Variants in ZNHIT3 observed in about 807,000 individuals in gnomAD.
ZNHIT3 encodes zinc finger HIT-type containing 3.
In ZNHIT3, 27 loss-of-function variants were observed where a neutral mutation model predicts 19.9. The ratio of observed to expected loss-of-function variants is 1.36; its 90% CI spans 1.00 to 1.87. ZNHIT3 has a LOEUF of 1.87. ZNHIT3 is among the 40% of genes most tolerant of loss of function. The pLI is 0.00. For synonymous variants in ZNHIT3, 81 were observed against 65.7 expected (o/e 1.23, Z -1.13); for missense variants, 215 against 185.6 (o/e 1.16, Z -0.92).
downstream of ZNHIT3, chr17:36,496,435 G>A (rs774811411): frequency 3.7e-6 from 6 of 1,611,674 alleles, no homozygotes; most frequent in Non-Finnish European, 5.1e-6. Flanking sequence ...TGCAGCTTTA[G>A]CACTAGTTCC....
Position 36,486,780 on chromosome 17 carries a change from G to A in ZNHIT3, c.81G>A (p.Val27=). Residue 27 remains valine, a synonymous_variant, in exon 1 of 5, where the codon GTG becomes GTA. Transcript: ENST00000617429. ...KPKYRCPACR[V]PYCSVVCFRK... is the part of the protein sequence containing the mutation. ...AATACCGCTGTCCAGCCTGCCGCGT[G>A]CCCTAGTGAGCGGGGAGGTCGCGGG... is the stretch of plus-strand genomic sequence containing the variant. 1 of 1,611,940 alleles carries A rather than the reference G, an allele frequency of 6.2e-7. No individual in the cohort carries two copies. The highest frequency in any genetic ancestry group is 8.5e-7 in the Non-Finnish European group (1 of 1,179,098).
downstream of ZNHIT3, among the ~76,000 whole-genome samples, chr17:36,497,333 A>AG (rs1179991086): frequency 1.3e-5 from 2 of 151,698 alleles, no homozygotes; most frequent in African/African-American, 2.4e-5. Context: ...AAAAAAAAAA[A>AG]ACCCACAGAG....
intron 4 of ZNHIT3, among the ~76,000 whole-genome samples, chr17:36,494,911 C>T (rs930388548): frequency 5.3e-5 from 8 of 152,152 alleles, no homozygotes; most frequent in African/African-American, 1.9e-4. Flanking sequence ...TGAAGTGGCA[C>T]GAAGTTACAA....
intron 4 of ZNHIT3, 87 bp from the exon 5 acceptor site, chr17:36,495,136 T>C (rs949111711): frequency 1.4e-5 from 21 of 1,469,730 alleles, no homozygotes; most frequent in Non-Finnish European, 1.8e-5. Context: ...ATAGTTTTAT[T>C]ACACTTGAAA....
rs1325795546 is a variant in ZNHIT3, at chr17:36,495,539, G to A, written c.*135G>A. The A allele has an allele frequency of 1.5e-6, 2 of 1,345,268 alleles. No homozygotes were observed. Among genetic ancestry groups the A allele is most frequent in the African/African-American group, 3.0e-5 (2 of 67,118 alleles). The allele number at this position is 1,345,268 out of a possible 1,614,324, so 83.3% of individuals were successfully genotyped here. A position where few individuals can be genotyped will look rare whatever the true frequency, so the allele number is the denominator to read the frequency against. ...TCCAGGATGCAGATTAGGTCATGCA[G>A]GCCTTTACCGGCATTGATGTGGCTC... On this transcript the variant is annotated 3_prime_UTR_variant, in exon 5 of 5. Transcript: ENST00000617429.
intron 4 of ZNHIT3, 110 bp downstream of exon 4, chr17:36,494,116 C>A (rs1159058094): frequency 6.6e-6 from 5 of 761,556 alleles, no homozygotes; most frequent in African/African-American, 1.7e-5. Context: ...ATGTAGGGCT[C>A]TTACTATCTA....
chr17:36,493,789 TG>T (rs1269063142), intron 3 of ZNHIT3, 136 bp from the exon 4 acceptor site: 3 of 640,490 alleles, frequency 4.7e-6, no homozygotes, highest in Non-Finnish European at 8.4e-6. Context: ...AGAGGATTTT[TG>T]TCTGTACCTG....
downstream of ZNHIT3, chr17:36,498,254 C>G (rs553814007): frequency 3.1e-6 from 5 of 1,602,578 alleles, no homozygotes; most frequent in South Asian, 5.5e-5. Flanking sequence ...ATGGCCATCA[C>G]ACACAACGTA....
chr17:36,496,490 A>T, downstream of ZNHIT3: 2 of 1,359,594 alleles, frequency 1.5e-6, no homozygotes, highest in Non-Finnish European at 2.1e-6. Flanking sequence ...GACGCTAAAA[A>T]TGCAAGAAGG....
downstream of ZNHIT3, among the ~76,000 whole-genome samples, chr17:36,497,165 A>G (rs1314475974): frequency 1.0e-4 from 14 of 135,448 alleles, no homozygotes; most frequent in South Asian, 2.6e-3. Context: ...CCCCGTCTCT[A>G]TTAAAAATAC....
downstream of ZNHIT3, chr17:36,496,510 G>A: frequency 9.4e-7 from 1 of 1,068,938 alleles, no homozygotes; most frequent in South Asian, 1.5e-5. Flanking sequence ...GTATGGACAA[G>A]TACTAGTATT....
chr17:36,496,302 T>G, downstream of ZNHIT3: 1 of 1,614,014 alleles, frequency 6.2e-7, no homozygotes, highest in Non-Finnish European at 8.5e-7. Context: ...GCCTGTGTCT[T>G]TCCAGCAGAA....
chr17:36,489,432 C>T (rs369728558), intron 2 of ZNHIT3: 1 of 152,174 alleles, frequency 6.6e-6, no homozygotes, highest in East Asian at 1.9e-4. Flanking sequence ...TATAAGAGTT[C>T]CCTTTTCTCC....
chr17:36,498,577 C>A, downstream of ZNHIT3: 1 of 1,593,570 alleles, frequency 6.3e-7, no homozygotes, highest in Non-Finnish European at 8.6e-7. Context: ...AGCAAATATC[C>A]CTTTATAGCT....
intron 4 of ZNHIT3, 47 bp downstream of exon 4, chr17:36,494,053 T>A: frequency 7.0e-7 from 1 of 1,437,290 alleles, no homozygotes; most frequent in Non-Finnish European, 9.7e-7. Flanking sequence ...ATTTACTGTG[T>A]TGTAAGGATT....
At chr17:36,496,287 G>T (rs1455098828), downstream of ZNHIT3, 2 of 1,613,910 alleles carry the variant, frequency 1.2e-6, no homozygotes, top group Non-Finnish European at 1.7e-6. Context: ...AGGTCACGTG[G>T]ATCAGCCTGT....
intron 2 of ZNHIT3, chr17:36,491,188 T>C (rs2070717843): frequency 6.6e-6 from 1 of 152,354 alleles, no homozygotes; most frequent in East Asian, 1.9e-4. Flanking sequence ...TGATATTCTT[T>C]GGAGGCTGGG....
downstream of ZNHIT3, chr17:36,497,589 C>CT (rs746721426): frequency 0.11 from 87,150 of 764,136 alleles, no homozygotes; most frequent in Non-Finnish European, 0.13. Flanking sequence ...CTAAACCAAA[C>CT]TTTTTTTTTT....
At chr17:36,498,413 C>T (rs1239823380), downstream of ZNHIT3, 1 of 1,614,020 alleles carries the variant, frequency 6.2e-7, no homozygotes, top group East Asian at 2.2e-5. Context: ...CCGTATTGGC[C>T]AGGACCAGTC....
Sources: gnomAD v4.1 joint callset for allele counts (sites outside exome capture counted in the v4.1 genomes callset) on GRCh38, gnomAD v4.1.1 for gene constraint, MANE v1.5 for transcripts, NCBI Gene and HGNC (gene_info 2026-07-23, HGNC 2026-07-21) for gene names.